SGCZ: variants seen among roughly 807,000 people sequenced by gnomAD.
The protein encoded by SGCZ is zeta-sarcoglycan.
A neutral mutation model predicts 41.3 loss-of-function variants in SGCZ; 40 were observed. The observed-to-expected ratio is 0.97, with a 90% CI of 0.75 to 1.26. The LOEUF (loss-of-function observed/expected upper bound fraction) is 1.26, where lower values mean the gene tolerates loss of function less well. Among genes scored for constraint, SGCZ ranks in the 50% most tolerant of loss-of-function variants. The pLI, the probability that SGCZ is intolerant of heterozygous loss-of-function variation, is 0.00. For synonymous variants in SGCZ, 206 were observed against 137.5 expected (o/e 1.50, Z -3.49); for missense variants, 552 against 369.8 (o/e 1.49, Z -4.04).
chr8:14,397,046 T>A (rs1033020442), intron 2 of SGCZ, among the ~76,000 whole-genome samples: 5 of 152,162 alleles, frequency 3.3e-5, no homozygotes, highest in African/African-American at 9.6e-5. Context: ...ATTTATCATC[T>A]TAAAATGAGT....
intron 1 of SGCZ, among the ~76,000 whole-genome samples, chr8:14,790,975 G>C (rs1189392054): frequency 3.3e-5 from 5 of 150,250 alleles, no homozygotes; most frequent in Admixed American, 1.3e-4. Flanking sequence ...AGGTTGCAGT[G>C]AGCCAAGATC....
intron 7 of SGCZ, among the ~76,000 whole-genome samples, chr8:14,100,642 C>T (rs988724189): frequency 6.8e-6 from 1 of 147,912 alleles, no homozygotes; most frequent in African/African-American, 2.5e-5. Flanking sequence ...AAATATTATA[C>T]ATTAGATTGC....
At chr8:14,735,102 C>T (rs976522219) in intron 1 of SGCZ, among the ~76,000 whole-genome samples, 6 of 152,188 alleles carry the variant, frequency 3.9e-5, no homozygotes, top group South Asian at 2.1e-4. Flanking sequence ...CCCAAAAAGA[C>T]GGTAGCACAT....
chr8:14,301,447 C>T (rs571571122), intron 3 of SGCZ, among the ~76,000 whole-genome samples: 3 of 151,970 alleles, frequency 2.0e-5, no homozygotes, highest in African/African-American at 7.2e-5. Context: ...CTGTTTTACA[C>T]TCAGATTCAC....
chr8:14,558,868 A>G (rs1804119541), intron 1 of SGCZ, among the ~76,000 whole-genome samples: 1 of 152,128 alleles, frequency 6.6e-6, no homozygotes, highest in African/African-American at 2.4e-5. Flanking sequence ...AAATAGAATC[A>G]GAAACAAAAA....
intron 1 of SGCZ, among the ~76,000 whole-genome samples, chr8:14,880,830 C>T (rs1455330313): frequency 6.6e-6 from 1 of 151,994 alleles, no homozygotes; most frequent in Non-Finnish European, 1.5e-5. Context: ...GGTGGGATAG[C>T]ATTAGGAGAT....
intron 6 of SGCZ, 147 bp from the exon 7 acceptor site, chr8:14,102,646 T>G: frequency 2.8e-6 from 2 of 727,240 alleles, no homozygotes; most frequent in Non-Finnish European, 3.8e-6. Flanking sequence ...TCCTACCATT[T>G]TAGGCAAAGC....
intron 1 of SGCZ, among the ~76,000 whole-genome samples, chr8:15,137,538 C>T (rs1020165194): frequency 6.6e-6 from 1 of 152,158 alleles, no homozygotes; most frequent in Non-Finnish European, 1.5e-5. Flanking sequence ...GGCCCAGGGC[C>T]TCCCTGCTGT....
chr8:15,031,453 A>G (rs188646752), intron 1 of SGCZ, among the ~76,000 whole-genome samples: 193 of 152,300 alleles, frequency 1.3e-3, no homozygotes, highest in Admixed American at 4.2e-3. Context: ...AACAAAATCC[A>G]TACTATCAAT....
intron 1 of SGCZ, among the ~76,000 whole-genome samples, chr8:14,711,450 A>AC (rs1213921752): frequency 6.6e-6 from 1 of 151,288 alleles, no homozygotes; most frequent in East Asian, 2.0e-4. Context: ...AAAAAAAAAA[A>AC]AAAAAGTTAG....
chr8:14,207,346 A>C (rs1805649569), intron 4 of SGCZ, among the ~76,000 whole-genome samples: 1 of 152,218 alleles, frequency 6.6e-6, no homozygotes, highest in African/African-American at 2.4e-5. Flanking sequence ...GTTCTACTTA[A>C]CATTATCATA....
In SGCZ at chr8:14,727,954, G is replaced by C. The variant is rs116962826; in HGVS notation, c.40-173028C>G. Among the ~76,000 whole-genome samples, 753 of 152,302 alleles carry C rather than the reference G, an allele frequency of 4.9e-3. 3 individuals are homozygous for C. Among genetic ancestry groups the C allele is most frequent in the East Asian group, 0.019 (98 of 5,186 alleles). ...ACTATAGACACATGCAGCAGCATAA[G>C]TGCACAGTAAAAAATACTCTGAAAC... On this transcript the variant is annotated intron_variant, in intron 1 of 7. Coordinates refer to ENST00000382080, the MANE Select transcript of SGCZ (RefSeq NM_139167.4).
chr8:14,333,623 G>C, intron 2 of SGCZ, among the ~76,000 whole-genome samples: 1 of 152,062 alleles, frequency 6.6e-6, no homozygotes, highest in South Asian at 2.1e-4. Flanking sequence ...ATTCAGATGA[G>C]TTTGCAGTAG....
intron 1 of SGCZ, among the ~76,000 whole-genome samples, chr8:14,954,975 T>A: frequency 1.3e-5 from 2 of 152,334 alleles, no homozygotes; most frequent in Middle Eastern, 6.8e-3. Context: ...TATTATTACA[T>A]AATCAAATAA....
At chr8:14,879,447 C>G (rs1445626599) in intron 1 of SGCZ, 1 of 152,068 alleles carries the variant, frequency 6.6e-6, no homozygotes, top group Non-Finnish European at 1.5e-5. Flanking sequence ...ATATATATAA[C>G]TAGCCAAGCT....
intron 2 of SGCZ, among the ~76,000 whole-genome samples, chr8:14,549,968 T>C (rs1042285049): frequency 1.4e-4 from 22 of 152,002 alleles, no homozygotes; most frequent in African/African-American, 4.8e-4. Flanking sequence ...GTGGTATAAA[T>C]TGATACAATC....
chr8:14,766,727 A>ATTTTT (rs33955290), intron 1 of SGCZ, among the ~76,000 whole-genome samples: 2 of 92,804 alleles, frequency 2.2e-5, no homozygotes, highest in Non-Finnish European at 4.0e-5. Flanking sequence ...ATGTCCAGCT[A>ATTTTT]TTTTTTTTTT....
chr8:14,728,962 G>A lies in SGCZ; in HGVS notation c.40-174036C>T, dbSNP rs537190268. ...AAATCTGCCTATGTTCCTTTCATGCGAAGTCAATGCCCCTGAGTAACCTTG... is the reference window on the plus strand; with the variant it reads ...AAATCTGCCTATGTTCCTTTCATGCAAAGTCAATGCCCCTGAGTAACCTTG... On this transcript the variant is annotated intron_variant, in intron 1 of 7. Transcript: ENST00000382080. Among the ~76,000 whole-genome samples, 14 of 152,220 alleles carry A rather than the reference G, an allele frequency of 9.2e-5. No homozygotes were observed. The South Asian group carries it at 2.7e-3, about 29-fold the overall frequency.
At chr8:14,875,828 T>C (rs996250235) in intron 1 of SGCZ, among the ~76,000 whole-genome samples, 2 of 152,142 alleles carry the variant, frequency 1.3e-5, no homozygotes, top group African/African-American at 4.8e-5. Flanking sequence ...TGATTTCACA[T>C]CTGGGCCACA....
Sources: allele counts gnomAD v4.1 joint callset (sites outside exome capture counted in the v4.1 genomes callset), GRCh38; gene constraint gnomAD v4.1.1; transcripts MANE v1.5; gene names NCBI Gene and HGNC (gene_info 2026-07-23, HGNC 2026-07-21).